TPRG1: variants seen among roughly 807,000 people sequenced by gnomAD.
TPRG1 encodes tumor protein p63 regulated 1.
TPRG1 carries 29 observed loss-of-function variants against 29.3 expected under a neutral mutation model. The observed-to-expected ratio is 0.99, with a 90% CI of 0.74 to 1.35. The LOEUF (loss-of-function observed/expected upper bound fraction) is 1.35. Ranked by LOEUF, TPRG1 falls within the 40% of genes most tolerant of loss-of-function variation. TPRG1 has a pLI of 0.00. For missense variants in TPRG1, 327 were observed against 335.0 expected (o/e 0.98, Z 0.19); for synonymous variants, 130 against 116.8 (o/e 1.11, Z -0.73).
chr3:189,318,907 G>A (rs942951040), intron 5 of TPRG1, among the ~76,000 whole-genome samples: 1 of 152,158 alleles, frequency 6.6e-6, no homozygotes, highest in Non-Finnish European at 1.5e-5. Context: ...CTAAAAATTA[G>A]AATTTTATAA....
intron 4 of TPRG1, among the ~76,000 whole-genome samples, chr3:189,034,460 T>C (rs1452388298): frequency 6.6e-6 from 1 of 152,198 alleles, no homozygotes; most frequent in Non-Finnish European, 1.5e-5. Context: ...CAAGTTATCA[T>C]TGTCAAAAAT....
At chr3:189,050,134 A>C (rs1715223678) in intron 4 of TPRG1, among the ~76,000 whole-genome samples, 1 of 152,192 alleles carries the variant, frequency 6.6e-6, no homozygotes, top group Non-Finnish European at 1.5e-5. Context: ...ACAAAAGATA[A>C]ATGAAACAAA....
intron 1 of TPRG1, among the ~76,000 whole-genome samples, chr3:189,181,588 C>G (rs1207748111): frequency 6.6e-6 from 1 of 152,192 alleles, no homozygotes; most frequent in Non-Finnish European, 1.5e-5. Flanking sequence ...TCCTCATCTC[C>G]ATCTGAGACC....
upstream of TPRG1, among the ~76,000 whole-genome samples, chr3:189,095,343 A>G (rs1041505388): frequency 2.6e-5 from 4 of 152,072 alleles, no homozygotes; most frequent in African/African-American, 9.7e-5. Flanking sequence ...GGCATACTCA[A>G]AATTGTGTCT....
At position 189,200,394 on chromosome 3, in the gene TPRG1, C is replaced by T. The variant is rs376230973; in HGVS notation, c.-9-6982C>T. On this transcript the variant is annotated intron_variant, in intron 1 of 5. Transcript: ENST00000345063. ...TCGGCTGTTCTCACGGAGAGACTCA[C>T]GGAAGCCTGCACACATAAATTCACA... Among the ~76,000 whole-genome samples the T allele has an allele frequency of 8.5e-5, 13 of 152,286 alleles. No homozygotes were observed. In the East Asian group the frequency reaches 1.9e-3, roughly 23 times the overall value.
chr3:189,253,511 T>C (rs1372778532), intron 4 of TPRG1, among the ~76,000 whole-genome samples: 1 of 152,208 alleles, frequency 6.6e-6, no homozygotes, highest in African/African-American at 2.4e-5. Flanking sequence ...TGATGGGCAT[T>C]TGGGTTGGTT....
chr3:189,073,407 C>T (rs180945825), intron 4 of TPRG1, among the ~76,000 whole-genome samples: 7 of 152,254 alleles, frequency 4.6e-5, no homozygotes, highest in Non-Finnish European at 8.8e-5. Flanking sequence ...AAATCAATTA[C>T]GAGTATTCAA....
chr3:189,190,439 C>A (rs1731520649), intron 1 of TPRG1, among the ~76,000 whole-genome samples: 1 of 152,114 alleles, frequency 6.6e-6, no homozygotes, highest in Non-Finnish European at 1.5e-5. Context: ...CCCTGTCACC[C>A]CCCACATCTT....
intron 1 of TPRG1, among the ~76,000 whole-genome samples, chr3:189,184,431 G>C (rs1014745678): frequency 2.0e-5 from 3 of 152,140 alleles, no homozygotes; most frequent in Non-Finnish European, 4.4e-5. Context: ...TGTTTAAGTA[G>C]AAAAATGATA....
At chr3:189,071,069 A>G (rs6769973) in intron 4 of TPRG1, among the ~76,000 whole-genome samples, 2,023 of 122,346 alleles carry the variant, frequency 0.017, 43 homozygotes, top group African/African-American at 0.094. Context: ...AAGAAAAAGA[A>G]AAAAAAAAAA....
At chr3:189,068,477 A>G (rs1716600116) in intron 4 of TPRG1, among the ~76,000 whole-genome samples, 1 of 152,212 alleles carries the variant, frequency 6.6e-6, no homozygotes, top group African/African-American at 2.4e-5. Context: ...GTCAGCCATA[A>G]AAAAGAACAA....
At chr3:189,217,389 A>G (rs1177236809) in intron 3 of TPRG1, among the ~76,000 whole-genome samples, 1 of 152,174 alleles carries the variant, frequency 6.6e-6, no homozygotes, top group Admixed American at 6.5e-5. Flanking sequence ...TAAATTAACT[A>G]CAACAATGAG....
chr3:189,294,561 G>A (rs933830007), intron 4 of TPRG1, among the ~76,000 whole-genome samples: 5 of 152,130 alleles, frequency 3.3e-5, no homozygotes, highest in African/African-American at 1.2e-4. Context: ...GCTCCACTGT[G>A]TCCCCTTTAG....
chr3:189,158,918 T>G (rs987776767), intron 5 of TPRG1, among the ~76,000 whole-genome samples: 17 of 149,096 alleles, frequency 1.1e-4, no homozygotes, highest in Non-Finnish European at 1.5e-5. Context: ...GCTCATCAAG[T>G]TTTTTTTTTG....
Position 189,253,206 on chromosome 3 carries a change from C to T in TPRG1, c.479+14297C>T, listed in dbSNP as rs188084763. Among the ~76,000 whole-genome samples the T allele has an allele frequency of 1.8e-4, 27 of 152,242 alleles. 1 individual carries two copies. Among genetic ancestry groups the T allele is most frequent in the Middle Eastern group, 3.4e-3 (1 of 294 alleles). ...GCTATCCCTCCTCAGGCCCCTCACCCCCCAACTGGCCCTAGTGTGTGATGT... is the reference window on the plus strand; with the variant it reads ...GCTATCCCTCCTCAGGCCCCTCACCTCCCAACTGGCCCTAGTGTGTGATGT... On this transcript the variant is annotated intron_variant, in intron 4 of 5. Coordinates refer to ENST00000345063, the MANE Select transcript of TPRG1 (RefSeq NM_198485.4).
intron 1 of TPRG1, among the ~76,000 whole-genome samples, chr3:189,110,741 C>T (rs1720409766): frequency 1.3e-5 from 2 of 151,888 alleles, no homozygotes; most frequent in Admixed American, 1.3e-4. Flanking sequence ...TTATAAGGTA[C>T]AAAGTCTGTA....
chr3:189,188,123 A>T (rs1475448303), intron 1 of TPRG1, among the ~76,000 whole-genome samples: 1 of 152,236 alleles, frequency 6.6e-6, no homozygotes, highest in Non-Finnish European at 1.5e-5. Flanking sequence ...ATAATTGAAA[A>T]AAAGAAAAAC....
chr3:189,233,773 G>A (rs531445550), intron 3 of TPRG1, among the ~76,000 whole-genome samples: 10 of 152,286 alleles, frequency 6.6e-5, no homozygotes, highest in South Asian at 4.1e-4. Flanking sequence ...TTTAATATGC[G>A]TGGAGGGAGG....
chr3:189,102,317 T>A (rs2378462), intron 1 of TPRG1, among the ~76,000 whole-genome samples: 52,275 of 152,072 alleles, frequency 0.34, 10,543 homozygotes, highest in African/African-American at 0.53. Context: ...TTTATCTATC[T>A]CCAGAGCCAG....
Sources: allele counts gnomAD v4.1 joint callset (sites outside exome capture counted in the v4.1 genomes callset), GRCh38; gene constraint gnomAD v4.1.1; transcripts MANE v1.5; gene names NCBI Gene and HGNC (gene_info 2026-07-23, HGNC 2026-07-21).